The following NUDT3 variants were observed in gnomAD, a reference collection of about 807,000 sequenced individuals.
NUDT3 encodes diphosphoinositol polyphosphate phosphohydrolase 1.
A neutral mutation model predicts 23.6 loss-of-function variants in NUDT3; 9 were observed. The ratio of observed to expected loss-of-function variants is 0.38; its 90% CI spans 0.23 to 0.66. The LOEUF is 0.66. Ranked by LOEUF, NUDT3 falls within the 30% of genes least tolerant of loss-of-function variation. The probability of loss-of-function intolerance (pLI) is 0.52; values close to 1 mark genes in which losing one functional copy is unlikely to be tolerated. For synonymous variants in NUDT3, 86 were observed against 82.6 expected, an observed-to-expected ratio of 1.04 and a Z score of -0.22; for missense variants, 172 against 218.5, an observed-to-expected ratio of 0.79 and a Z score of 1.34.
chr6:34,377,029 C>G (rs2113764468), intron 1 of NUDT3, among the ~76,000 whole-genome samples: 1 of 152,220 alleles, frequency 6.6e-6, no homozygotes, highest in Admixed American at 6.5e-5. Flanking sequence ...TACGTAAATC[C>G]TATTAACTTC....
intron 1 of NUDT3, among the ~76,000 whole-genome samples, chr6:34,362,029 G>A (rs1235736802): frequency 6.6e-6 from 1 of 152,214 alleles, no homozygotes; most frequent in Non-Finnish European, 1.5e-5. Context: ...CTCACTGATT[G>A]TAACAAATAT....
At chr6:34,314,039 G>A (rs1265428324) in intron 2 of NUDT3, among the ~76,000 whole-genome samples, 1 of 151,952 alleles carries the variant, frequency 6.6e-6, no homozygotes, top group Non-Finnish European at 1.5e-5. Flanking sequence ...GGAGGATGTG[G>A]TGAGCCAAGA....
intron 1 of NUDT3, among the ~76,000 whole-genome samples, chr6:34,390,568 G>C (rs1272191828): frequency 6.6e-6 from 1 of 152,060 alleles, no homozygotes; most frequent in Non-Finnish European, 1.5e-5. Context: ...ATGGGGATCT[G>C]TGTTGGCCAG....
intron 2 of NUDT3, among the ~76,000 whole-genome samples, chr6:34,302,118 A>G (rs1581852819): frequency 6.7e-6 from 1 of 150,220 alleles, no homozygotes; most frequent in Non-Finnish European, 1.5e-5. Context: ...TGCAGCCTTG[A>G]CCTCCCAGGC....
At chr6:34,345,851 C>A (rs925139300) in intron 1 of NUDT3, among the ~76,000 whole-genome samples, 3 of 151,982 alleles carry the variant, frequency 2.0e-5, no homozygotes, top group Admixed American at 6.6e-5. Flanking sequence ...TCACCGCAAC[C>A]GCTGCCTCCC....
At chr6:34,294,070 C>T (rs1198235915) in intron 3 of NUDT3, among the ~76,000 whole-genome samples, 2 of 152,178 alleles carry the variant, frequency 1.3e-5, no homozygotes, top group African/African-American at 4.8e-5. Context: ...TCACCACAGC[C>T]TTGACCTTCC....
chr6:34,376,513 G>T (rs1229268781), intron 1 of NUDT3, among the ~76,000 whole-genome samples: 3 of 152,184 alleles, frequency 2.0e-5, no homozygotes, highest in Non-Finnish European at 4.4e-5. Context: ...CTGGCCTCAA[G>T]TGATTCTCCT....
At chr6:34,311,651 C>T (rs1042254985) in intron 2 of NUDT3, among the ~76,000 whole-genome samples, 20 of 152,112 alleles carry the variant, frequency 1.3e-4, no homozygotes, top group African/African-American at 4.3e-4. Flanking sequence ...AGTTGGAGAA[C>T]GGATACCCAA....
In NUDT3 at chr6:34,288,588, A is replaced by G; in HGVS notation, c.*165T>C. On this transcript the variant is annotated 3_prime_UTR_variant, in exon 5 of 5. Coordinates refer to ENST00000607016, the MANE Select transcript of NUDT3 (RefSeq NM_006703.4). ...TAAAAACAGAAGAAAAAGCCCCATC[A>G]CTTAACACCAAACAGCAACATTATC... 2.1e-6 allele frequency: 2 copies of G among 936,060 alleles called. No homozygotes were observed. The highest frequency in any genetic ancestry group is 3.8e-5 in the South Asian group (2 of 52,914). The allele number at this position is 936,060 out of a possible 1,614,324, so 58.0% of individuals were successfully genotyped here.
At chr6:34,354,897 AT>A (rs1764539666) in intron 1 of NUDT3, among the ~76,000 whole-genome samples, 1 of 150,828 alleles carries the variant, frequency 6.6e-6, no homozygotes, top group Non-Finnish European at 1.5e-5. Context: ...AAATTCACTT[AT>A]TTGTTCATTT....
At chr6:34,359,474 C>T (rs932775451) in intron 1 of NUDT3, among the ~76,000 whole-genome samples, 1 of 152,158 alleles carries the variant, frequency 6.6e-6, no homozygotes, top group Non-Finnish European at 1.5e-5. Flanking sequence ...TTTTTTGTAT[C>T]TATGGATTTG....
rs187472325 is a variant in NUDT3 at position 34,293,001 on chromosome 6, T to G, written c.340+450A>C. ...AATACTATCAGGTTCAAAATGTACA[T>G]GCTTGTTTTATTATACACATCCTTC... On this transcript the variant is annotated intron_variant, in intron 4 of 4. Coordinates refer to ENST00000607016, the MANE Select transcript of NUDT3 (RefSeq NM_006703.4). Among the ~76,000 whole-genome samples, 12 of 152,378 alleles carry G rather than the reference T, an allele frequency of 7.9e-5. No homozygotes were observed. In the East Asian group the frequency reaches 2.3e-3, roughly 29 times the overall value.
At chr6:34,329,901 T>C (rs549044565) in intron 2 of NUDT3, among the ~76,000 whole-genome samples, 1 of 152,274 alleles carries the variant, frequency 6.6e-6, no homozygotes, top group African/African-American at 2.4e-5. Flanking sequence ...CATGTGGTGT[T>C]TGGTTTTCTG....
chr6:34,321,066 G>A (rs930254369), intron 2 of NUDT3, among the ~76,000 whole-genome samples: 5 of 152,158 alleles, frequency 3.3e-5, no homozygotes, highest in Admixed American at 3.3e-4. Context: ...TATGTCAGAT[G>A]TGTGGGGTCC....
rs138867494 is a variant in NUDT3 at position 34,380,578 on chromosome 6, C to T, written c.99+11686G>A. On this transcript the variant is annotated intron_variant, in intron 1 of 4. Transcript: ENST00000607016. ...CCATGAAATGAAAAGTAGATGAAAT[C>T]ATGAAGGATTTTCCTGGTTGATTTC... Among the ~76,000 whole-genome samples the T allele has an allele frequency of 9.2e-3, 1,401 of 152,230 alleles. 15 individuals carry two copies. The highest frequency in any genetic ancestry group is 0.024 in the Middle Eastern group (7 of 294).
At chr6:34,382,377 T>G (rs952218683) in intron 1 of NUDT3, among the ~76,000 whole-genome samples, 2 of 152,226 alleles carry the variant, frequency 1.3e-5, no homozygotes, top group Non-Finnish European at 2.9e-5. Flanking sequence ...CACTCCAGCC[T>G]GGGTGGCAGA....
chr6:34,292,692 A>G (rs537136194), intron 4 of NUDT3, among the ~76,000 whole-genome samples: 51 of 152,272 alleles, frequency 3.3e-4, no homozygotes, highest in East Asian at 2.5e-3. Context: ...GTATCTACTA[A>G]ATGATTTCTG....
chr6:34,379,864 G>C (rs904695440), intron 1 of NUDT3, among the ~76,000 whole-genome samples: 1 of 151,756 alleles, frequency 6.6e-6, no homozygotes. Context: ...AAAATTAGCC[G>C]GATGGGGTGG....
In NUDT3 at chr6:34,288,814, G is replaced by A. The variant is rs1763372449; in HGVS notation, c.458C>T (p.Thr153Ile). Residue 153 changes from threonine to isoleucine, a missense_variant, in exon 5 of 5, where the codon ACC becomes ATC. By Grantham distance (89) the Thr-to-Ile change is moderately conservative. This residue lies in a region of NUDT3 where 63 missense variants were observed against 64.9 expected (regional missense o/e 0.97). Coordinates refer to ENST00000607016, the MANE Select transcript of NUDT3 (RefSeq NM_006703.4). ...LRQGYSANNG[T>I]PVVATTYSVS... The stretch of plus-strand genomic sequence containing the variant: ...CGAGTATGTGGTGGCCACGACTGGG[G>A]TGCCATTGTTGGCTGAGTAGCCTTG... 1.9e-6 allele frequency: 3 copies of A among 1,614,050 alleles called. No homozygotes were observed. The highest frequency in any genetic ancestry group is 2.5e-6 in the Non-Finnish European group (3 of 1,179,986).
Sources: allele counts gnomAD v4.1 joint callset (sites outside exome capture counted in the v4.1 genomes callset), GRCh38; gene constraint gnomAD v4.1.1; regional missense constraint gnomAD v4.1.1; transcripts MANE v1.5; gene names NCBI Gene and HGNC (gene_info 2026-07-23, HGNC 2026-07-21).